The following SMAP2 variants were observed in gnomAD, a reference collection of about 807,000 sequenced individuals.
SMAP2 encodes the protein small ArfGAP2.
In SMAP2, 25 loss-of-function variants were observed where a neutral mutation model predicts 56.4. That is an observed-to-expected ratio of 0.44 (90% CI 0.32 to 0.62). The LOEUF (loss-of-function observed/expected upper bound fraction) is 0.62, where lower values mean the gene tolerates loss of function less well. Among genes scored for constraint, SMAP2 ranks in the 20% least tolerant of loss-of-function variants. The pLI is 0.04. For synonymous variants in SMAP2, 157 were observed against 181.7 expected (o/e 0.86, Z 1.09); for missense variants, 388 against 545.6 (o/e 0.71, Z 2.88).
chr1:40,347,240 G>GTTTT (rs200888686), intron 1 of SMAP2, among the ~76,000 whole-genome samples: 7 of 88,384 alleles, frequency 7.9e-5, no homozygotes, highest in African/African-American at 2.4e-4. Flanking sequence ...GTGTGTGTGT[G>GTTTT]TTTTGTTTTT....
In SMAP2 at chr1:40,406,743, A is replaced by T. The variant is rs752911468; in HGVS notation, c.111A>T (p.Arg37=). Residue 37 remains arginine, a synonymous_variant, in exon 2 of 10, where the codon CGA becomes CGT. Coordinates refer to ENST00000372718, the MANE Select transcript of SMAP2 (RefSeq NM_022733.3). ...TGTTCCTGACTTTCACAGGGCCGCGATGGGCCTCTTGGAACATTGGTGTGT... is the reference window on the plus strand; with the variant it reads ...TGTTCCTGACTTTCACAGGGCCGCGTTGGGCCTCTTGGAACATTGGTGTGT... ...FCADCQSKGP[R]WASWNIGVFI... The T allele has an allele frequency of 6.2e-7, 1 of 1,613,166 alleles. No homozygotes were observed. Among genetic ancestry groups the T allele is most frequent in the East Asian group, 2.2e-5 (1 of 44,868 alleles).
Position 40,422,133 on chromosome 1 carries a change from T to A in SMAP2, c.*32T>A, listed in dbSNP as rs1645049590. The A allele has an allele frequency of 1.2e-6, 2 of 1,611,808 alleles. No homozygotes were observed. Among genetic ancestry groups the A allele is most frequent in the Non-Finnish European group, 1.7e-6 (2 of 1,179,320 alleles). On this transcript the variant is annotated 3_prime_UTR_variant, in exon 10 of 10. Coordinates refer to ENST00000372718, the MANE Select transcript of SMAP2 (RefSeq NM_022733.3). ...AACACCTGTATGGCTGCCATTCTCT[T>A]CAGCCCTCGCTCTCCCCTTTCCACA... is the stretch of plus-strand genomic sequence containing the variant.
chr1:40,414,054 A>G (rs543578169), intron 5 of SMAP2, 105 bp from the exon 6 acceptor site: 2 of 949,076 alleles, frequency 2.1e-6, no homozygotes, highest in East Asian at 5.1e-5. Flanking sequence ...CTCTCTTTGA[A>G]TAACAGCAGC....
intron 1 of SMAP2, among the ~76,000 whole-genome samples, chr1:40,391,384 G>A (rs1185252346): frequency 6.6e-6 from 1 of 152,008 alleles, no homozygotes; most frequent in Admixed American, 6.6e-5. Context: ...GAGTCCACCT[G>A]GCCAACTTTG....
upstream of SMAP2, among the ~76,000 whole-genome samples, chr1:40,371,762 C>T (rs372659928): frequency 6.6e-5 from 10 of 152,146 alleles, no homozygotes; most frequent in Non-Finnish European, 8.8e-5. Flanking sequence ...TAGTGAAGAG[C>T]GCTAATTGTC....
At chr1:40,406,007 A>G (rs985011551) in intron 1 of SMAP2, among the ~76,000 whole-genome samples, 8 of 152,188 alleles carry the variant, frequency 5.3e-5, no homozygotes, top group African/African-American at 1.9e-4. Context: ...GCGAATGCAT[A>G]TTTTATAGGC....
intron 2 of SMAP2, among the ~76,000 whole-genome samples, chr1:40,363,073 G>T (rs926170201): frequency 6.6e-6 from 1 of 151,840 alleles, no homozygotes; most frequent in Admixed American, 6.6e-5. Context: ...TTGACTCCAG[G>T]AAAAACAAAA....
chr1:40,377,912 T>C (rs911952911), intron 1 of SMAP2, among the ~76,000 whole-genome samples: 6 of 152,260 alleles, frequency 3.9e-5, no homozygotes, highest in African/African-American at 1.2e-4. Context: ...GATGCTCAAG[T>C]CCCTGATATA....
At chr1:40,402,509 G>A (rs1293356934) in intron 1 of SMAP2, among the ~76,000 whole-genome samples, 1 of 152,000 alleles carries the variant, frequency 6.6e-6, no homozygotes, top group Admixed American at 6.6e-5. Flanking sequence ...GAGTGCAGTG[G>A]TGTGATCTCG....
rs1188800165 is a variant in SMAP2 at position 40,374,598 on chromosome 1, T to C, written c.103+375T>C. On this transcript the variant is annotated intron_variant, in intron 1 of 9. Transcript: ENST00000372718. This position sits in a 1 kb window ranked among gnomAD's most constrained non-coding sequence, Gnocchi z 5.9. ...TGCATTGCGTGCGTGCGTGCGTGCG[T>C]GTGTGTGTGTGTGTGTGTGTGTGTG... is the stretch of plus-strand genomic sequence containing the variant. The C allele has an allele frequency of 4.4e-5, 27 of 619,634 alleles. No homozygotes were observed. The highest frequency in any genetic ancestry group is 6.6e-5 in the Non-Finnish European group (25 of 380,312). 38.4% of individuals were successfully genotyped at this position (619,634 alleles called of 1,614,324 possible).
intron 9 of SMAP2, 94 bp downstream of exon 9, chr1:40,417,190 A>G (rs1569926976): frequency 1.2e-6 from 1 of 826,034 alleles, no homozygotes; most frequent in East Asian, 2.8e-5. Context: ...AATCCTTTCC[A>G]TGTAGATGAG....
In SMAP2 at chr1:40,408,769, A is replaced by G. The variant is rs766381072; in HGVS notation, c.323+31A>G. On this transcript the variant is annotated intron_variant, in intron 3 of 9. Transcript: ENST00000372718. The surrounding 1 kb of genome is among the most constrained non-coding windows in gnomAD (Gnocchi z 4.3). ...TTTTCTGGAGCAACTTAGAAGGCTG[A>G]GTGGTATTTTGATGCTTGGGGAGAG... The G allele has an allele frequency of 1.2e-5, 19 of 1,575,240 alleles. No individual in the cohort carries two copies. Among genetic ancestry groups the G allele is most frequent in the Non-Finnish European group, 1.5e-5 (17 of 1,144,992 alleles).
chr1:40,408,560 T>G lies in SMAP2; in HGVS notation c.238-93T>G. On this transcript the variant is annotated intron_variant, in intron 2 of 9. Transcript: ENST00000372718. The surrounding 1 kb of genome is among the most constrained non-coding windows in gnomAD (Gnocchi z 4.3). ...TTGGTTCTGACACTCTCTAGGTTGG[T>G]TCTTCAATTGTACAGTAGTGGAATT... 2.0e-6 allele frequency: 2 copies of G among 1,017,026 alleles called. No homozygotes were observed. The highest frequency in any genetic ancestry group is 4.9e-5 in the East Asian group (2 of 41,090). The allele number at this position is 1,017,026 out of a possible 1,614,324, so 63.0% of individuals were successfully genotyped here.
At chr1:40,380,529 C>CTTTTTTTTTTTTTTTT (rs370625950) in intron 1 of SMAP2, among the ~76,000 whole-genome samples, 2 of 142,878 alleles carry the variant, frequency 1.4e-5, no homozygotes. Flanking sequence ...ATCTGTGGCA[C>CTTTTTTTTTTTTTTTT]TTTTTTTTTT....
chr1:40,399,310 ATTTTTTT>A (rs747127620), intron 1 of SMAP2, among the ~76,000 whole-genome samples: 8 of 91,956 alleles, frequency 8.7e-5, no homozygotes, highest in Admixed American at 4.2e-4. Flanking sequence ...ACGTGTGGCT[ATTTTTTT>A]TTTTTTTTTT....
At chr1:40,393,563 T>C (rs143326400) in intron 1 of SMAP2, 70,360 of 977,858 alleles carry the variant, frequency 0.072, 2,894 homozygotes, top group East Asian at 0.21. Context: ...TTTTTTTTTT[T>C]GTGACAGAGT....
intron 1 of SMAP2, among the ~76,000 whole-genome samples, chr1:40,388,456 A>G (rs932748215): frequency 3.3e-5 from 5 of 152,058 alleles, no homozygotes; most frequent in Non-Finnish European, 5.9e-5. Context: ...GAATGCACCA[A>G]TCGACACTCT....
At chr1:40,415,226 G>A in intron 6 of SMAP2, 46 bp from the exon 7 acceptor site, 1 of 1,414,616 alleles carries the variant, frequency 7.1e-7, no homozygotes, top group East Asian at 2.3e-5. Flanking sequence ...GGAAGGCATG[G>A]GCTTAATAAG....
chr1:40,387,843 G>T (rs1644673874), intron 1 of SMAP2, among the ~76,000 whole-genome samples: 1 of 138,638 alleles, frequency 7.2e-6, no homozygotes, highest in African/African-American at 2.7e-5. Context: ...GGCTTGCGGG[G>T]AGGTGTGGAG....
Sources: allele counts gnomAD v4.1 joint callset (sites outside exome capture counted in the v4.1 genomes callset), GRCh38; gene constraint gnomAD v4.1.1; non-coding constraint Gnocchi (gnomAD v3.1); transcripts MANE v1.5; gene names NCBI Gene and HGNC (gene_info 2026-07-23, HGNC 2026-07-21).